Variants in GLRB observed in about 807,000 individuals in gnomAD.
GLRB encodes glycine receptor beta, also known as glycine receptor subunit beta.
In GLRB, 33 loss-of-function variants were observed where a neutral mutation model predicts 54.2. The observed-to-expected ratio is 0.61, with a 90% CI of 0.46 to 0.81. The LOEUF is 0.81. Among genes scored for constraint, GLRB ranks in the 40% least tolerant of loss-of-function variants. GLRB has a pLI of 0.00. For missense variants in GLRB, 572 were observed against 584.6 expected, an observed-to-expected ratio of 0.98 and a Z score of 0.22; for synonymous variants, 209 against 208.2, an observed-to-expected ratio of 1.00 and a Z score of -0.03.
chr4:157,099,277 T>C (rs949163973), intron 2 of GLRB, among the ~76,000 whole-genome samples: 5 of 152,104 alleles, frequency 3.3e-5, no homozygotes, highest in Non-Finnish European at 7.4e-5. Context: ...GAAGTTCAGC[T>C]GTTACTATTG....
At chr4:157,164,922 A>G (rs1397973249) in intron 9 of GLRB, among the ~76,000 whole-genome samples, 1 of 152,168 alleles carries the variant, frequency 6.6e-6, no homozygotes, top group Non-Finnish European at 1.5e-5. Flanking sequence ...TTAAACACAT[A>G]TAAGAACTTT....
intron 9 of GLRB, among the ~76,000 whole-genome samples, chr4:157,153,599 A>T (rs1737110128): frequency 6.6e-6 from 1 of 152,108 alleles, no homozygotes; most frequent in African/African-American, 2.4e-5. Flanking sequence ...AATATTTAAG[A>T]TTTTACCCCA....
At chr4:157,104,069 C>T (rs1735135253) in intron 2 of GLRB, among the ~76,000 whole-genome samples, 1 of 151,930 alleles carries the variant, frequency 6.6e-6, no homozygotes. Context: ...TATCTAATTA[C>T]TCTGGGTGCT....
At chr4:157,160,749 C>T (rs1254834293) in intron 9 of GLRB, among the ~76,000 whole-genome samples, 3 of 151,978 alleles carry the variant, frequency 2.0e-5, no homozygotes, top group Non-Finnish European at 2.9e-5. Context: ...GCTTTACTTC[C>T]AACTATGTGG....
chr4:157,120,157 C>A (rs1372437505), intron 2 of GLRB, among the ~76,000 whole-genome samples: 1 of 144,870 alleles, frequency 6.9e-6, no homozygotes, highest in Non-Finnish European at 1.5e-5. Flanking sequence ...ACTGCGTGTT[C>A]TCATTCATAG....
intron 4 of GLRB, among the ~76,000 whole-genome samples, chr4:157,131,059 A>T (rs1415434495): frequency 6.6e-6 from 1 of 151,706 alleles, no homozygotes; most frequent in Admixed American, 6.6e-5. Flanking sequence ...GACAGAAATC[A>T]TTAGTAACAT....
Position 157,090,343 on chromosome 4 carries a change from A to G in GLRB, c.122+12197A>G, listed in dbSNP as rs75168091. Among the ~76,000 whole-genome samples the G allele has an allele frequency of 3.3e-5, 5 of 152,228 alleles. No individual in the cohort carries two copies. In the East Asian group the frequency reaches 9.6e-4, roughly 29 times the overall value. On this transcript the variant is annotated intron_variant, in intron 2 of 9. Transcript: ENST00000264428. Reference sequence around the variant, plus strand: ...TTTTCAAAAAGAAAAAAATTAATGAAAAGTGGGGCATTGTTTAACGGTAGC... The same window carrying G: ...TTTTCAAAAAGAAAAAAATTAATGAGAAGTGGGGCATTGTTTAACGGTAGC...
intron 2 of GLRB, among the ~76,000 whole-genome samples, chr4:157,093,085 G>A (rs552104287): frequency 1.4e-4 from 22 of 152,084 alleles, no homozygotes; most frequent in Non-Finnish European, 2.6e-4. Context: ...TTGTCACTTA[G>A]CCTTTGAATA....
At position 157,136,456 on chromosome 4, in the gene GLRB, A is replaced by C. The variant is rs371129516; in HGVS notation, c.298-13A>C. ...TAAACATACACATGTGCACGCATGT[A>C]CTTTTTCTTCAGGACTATAGAGTTA... On this transcript the variant is annotated splice_polypyrimidine_tract_variant and intron_variant, in intron 4 of 9. Transcript: ENST00000264428. The C allele has an allele frequency of 6.4e-5, 92 of 1,430,434 alleles. No individual in the cohort carries two copies. Among genetic ancestry groups the C allele is most frequent in the Non-Finnish European group, 8.6e-5 (87 of 1,012,794 alleles). The allele number at this position is 1,430,434 out of a possible 1,614,324, so 88.6% of individuals were successfully genotyped here.
intron 4 of GLRB, among the ~76,000 whole-genome samples, chr4:157,130,400 T>C (rs1196294426): frequency 6.6e-6 from 1 of 151,680 alleles, no homozygotes; most frequent in Non-Finnish European, 1.5e-5. Flanking sequence ...TTTTTCAGTC[T>C]TCTAGCCAGC....
chr4:157,152,852 T>G lies in GLRB; in HGVS notation c.1039T>G (p.Tyr347Asp), dbSNP rs1229917921. ...LLFGFASLVE[Y>D]AVVQVMLNNP... is the part of the protein sequence containing the mutation. ...CTTTGGGTTTGCTTCCCTGGTGGAG[T>G]ATGCAGTTGTCCAGGTGATGCTGAA... The change falls in exon 9 of 10, where the codon TAT becomes GAT. Residue 347 changes from tyrosine (Y) to aspartate (D), a missense_variant. Transcript: ENST00000264428. 2 of 1,613,918 alleles carry G rather than the reference T, an allele frequency of 1.2e-6. No homozygotes were observed. Among genetic ancestry groups the G allele is most frequent in the Admixed American group, 3.3e-5 (2 of 59,974 alleles).
rs575697519 is a variant in GLRB, at chr4:157,170,851, T to C, written c.*123T>C. The stretch of plus-strand genomic sequence containing the variant: ...ACATTGCATTTTGGATGCCATTTGA[T>C]TGTAATAAAACTGTGGCACCTTAAT... On this transcript the variant is annotated 3_prime_UTR_variant, in exon 10 of 10. Coordinates refer to ENST00000264428, the MANE Select transcript of GLRB (RefSeq NM_000824.5). The C allele has an allele frequency of 5.8e-4, 348 of 604,834 alleles. 1 individual carries two copies. In the African/African-American group the frequency reaches 6.0e-3, roughly 10 times the overall value. The allele number at this position is 604,834 out of a possible 1,614,324, so 37.5% of individuals were successfully genotyped here. A position where few individuals can be genotyped will look rare whatever the true frequency, so the allele number is the denominator to read the frequency against.
rs183619294 is a variant in GLRB, at chr4:157,157,716, C to T, written c.1197+4706C>T. On this transcript the variant is annotated intron_variant, in intron 9 of 9. Transcript: ENST00000264428. ...AGTATTCCATGGTGTATGTGTGCCA[C>T]ATTTTCTTAATCCAGTCTATCATTG... is the stretch of plus-strand genomic sequence containing the variant. 3.0e-3 allele frequency among the ~76,000 whole-genome samples: 451 copies of T among 152,302 alleles called. 3 individuals are homozygous for T. Among genetic ancestry groups the T allele is most frequent in the African/African-American group, 9.5e-3 (393 of 41,566 alleles).
At chr4:157,142,449 T>C (rs890916936) in intron 7 of GLRB, among the ~76,000 whole-genome samples, 3 of 152,150 alleles carry the variant, frequency 2.0e-5, no homozygotes, top group Admixed American at 2.0e-4. Flanking sequence ...GTGTAACCTC[T>C]CAGAGGTGGC....
chr4:157,157,266 T>A (rs1284161582), intron 9 of GLRB, among the ~76,000 whole-genome samples: 1 of 152,202 alleles, frequency 6.6e-6, no homozygotes, highest in Non-Finnish European at 1.5e-5. Flanking sequence ...AGGGCCTTGT[T>A]ACTGGTCTAC....
At position 157,162,684 on chromosome 4, in the gene GLRB, C is replaced by G. The variant is rs184516524; in HGVS notation, c.1198-7748C>G. ...AGAACAGCAAATGTTGCTGCCTGAT[C>G]CTTCCTCTGGAGGGTTCGTCTCAGT... On this transcript the variant is annotated intron_variant, in intron 9 of 9. Coordinates refer to ENST00000264428, the MANE Select transcript of GLRB (RefSeq NM_000824.5). Among the ~76,000 whole-genome samples, 27 of 152,254 alleles carry G rather than the reference C, an allele frequency of 1.8e-4. No homozygotes were observed. The East Asian group carries it at 5.0e-3, about 28-fold the overall frequency.
In GLRB at chr4:157,078,102, T is replaced by C; in HGVS notation, c.78T>C (p.Ser26=). Residue 26 remains serine, a synonymous_variant, in exon 2 of 10, where the codon TCT becomes TCC. Transcript: ENST00000264428. ...AAGAAGCCTATTCTAAGGAAAAGTC[T>C]TCAAAGAAAGGGAAGGGGAAAAAGA... is the stretch of plus-strand genomic sequence containing the variant. ...WVEEAYSKEK[S]SKKGKGKKKQ... 1 of 1,612,338 alleles carries C rather than the reference T, an allele frequency of 6.2e-7. No homozygotes were observed. Among genetic ancestry groups the C allele is most frequent in the Non-Finnish European group, 8.5e-7 (1 of 1,178,596 alleles).
rs754469988 is a variant in GLRB at position 157,152,967 on chromosome 4, C to T, written c.1154C>T (p.Thr385Ile). The T allele has an allele frequency of 1.2e-6, 2 of 1,613,818 alleles. No individual in the cohort carries two copies. The highest frequency in any genetic ancestry group is 1.3e-5 in the African/African-American group (1 of 74,892). ...GGTGGAAATGTGGCTAAAAAGAATA[C>T]TGTGAATGGAACAGGGACTCCTGTT... is the stretch of plus-strand genomic sequence containing the variant. ...GKGGNVAKKN[T>I]VNGTGTPVHI... The change falls in exon 9 of 10, where the codon ACT (threonine) becomes ATT (isoleucine). Residue 385 changes from threonine to isoleucine, a missense_variant. Thr to Ile is a moderately conservative substitution (Grantham distance 89, BLOSUM62 -1). Coordinates refer to ENST00000264428, the MANE Select transcript of GLRB (RefSeq NM_000824.5).
intron 4 of GLRB, 63 bp from the exon 5 acceptor site, chr4:157,136,401 TGGGGC>T: frequency 1.0e-5 from 9 of 901,058 alleles, no homozygotes; most frequent in Admixed American, 5.6e-5. Flanking sequence ...CTTTTTGTTT[TGGGGC>T]CGAATAAGTT....
Sources: allele counts gnomAD v4.1 joint callset (sites outside exome capture counted in the v4.1 genomes callset), GRCh38; gene constraint gnomAD v4.1.1; transcripts MANE v1.5; gene names NCBI Gene and HGNC (gene_info 2026-07-23, HGNC 2026-07-21).